Variants in SCG3 observed in about 807,000 individuals in gnomAD.
The protein encoded by SCG3 is secretogranin III.
Under a neutral mutation model 56.2 loss-of-function variants are expected in SCG3, and 38 were observed. That is an observed-to-expected ratio of 0.68 (90% CI 0.52 to 0.89). The LOEUF (loss-of-function observed/expected upper bound fraction) is 0.89, where lower values mean the gene tolerates loss of function less well. Ranked by LOEUF, SCG3 falls within the 40% of genes least tolerant of loss-of-function variation. The pLI, the probability that SCG3 is intolerant of heterozygous loss-of-function variation, is 0.00. For missense variants in SCG3, 524 were observed against 540.7 expected, an observed-to-expected ratio of 0.97 and a Z score of 0.31; for synonymous variants, 176 against 184.2, an observed-to-expected ratio of 0.96 and a Z score of 0.36.
At chr15:51,706,630 T>G (rs1256310663) in intron 10 of SCG3, among the ~76,000 whole-genome samples, 1 of 152,172 alleles carries the variant, frequency 6.6e-6, no homozygotes, top group Non-Finnish European at 1.5e-5. Flanking sequence ...CCACAGCAAC[T>G]GTTTATTAAC....
intron 1 of SCG3, 67 bp downstream of exon 1, chr15:51,681,904 A>G (rs920141366): frequency 7.8e-7 from 1 of 1,285,252 alleles, no homozygotes; most frequent in Admixed American, 1.8e-5. Flanking sequence ...AGTTTGGCAT[A>G]ATACGTGAGC....
intron 10 of SCG3, among the ~76,000 whole-genome samples, chr15:51,708,511 T>C (rs1038433232): frequency 1.3e-5 from 2 of 152,188 alleles, no homozygotes; most frequent in African/African-American, 4.8e-5. Context: ...ATTTGGACAT[T>C]GGGCCTTTAA....
intron 11 of SCG3, among the ~76,000 whole-genome samples, chr15:51,718,742 G>T (rs1264266960): frequency 6.6e-6 from 1 of 151,972 alleles, no homozygotes; most frequent in East Asian, 1.9e-4. Context: ...TTGTTTGTTT[G>T]TTTGTTTAAG....
chr15:51,704,898 C>G (rs1039307373), intron 10 of SCG3, among the ~76,000 whole-genome samples: 1 of 150,738 alleles, frequency 6.6e-6, no homozygotes, highest in Non-Finnish European at 1.5e-5. Context: ...TGAGGAACCA[C>G]CATACTGTTT....
At chr15:51,717,238 C>G (rs1415953052) in intron 11 of SCG3, among the ~76,000 whole-genome samples, 1 of 151,988 alleles carries the variant, frequency 6.6e-6, no homozygotes, top group Non-Finnish European at 1.5e-5. Context: ...CGTGGTGGCA[C>G]GTGCCTGTAG....
At chr15:51,684,494 T>C (rs2055215707) in intron 4 of SCG3, among the ~76,000 whole-genome samples, 1 of 152,176 alleles carries the variant, frequency 6.6e-6, no homozygotes, top group African/African-American at 2.4e-5. Context: ...GGAGAATCAC[T>C]TGAACCCAGG....
rs2055359717 is a variant in SCG3, at chr15:51,704,282, A to AT, written c.1207+3039dup. On this transcript the variant is annotated intron_variant, in intron 10 of 11. Transcript: ENST00000220478. ...ATATATATATATATATATATATAAAATAGCTCTTTTTTGAAATTGTGGTAA... is the reference window on the plus strand; with the variant it reads ...ATATATATATATATATATATATAAAATTAGCTCTTTTTTGAAATTGTGGTAA... 7.6e-5 allele frequency among the ~76,000 whole-genome samples: 6 copies of AT among 79,156 alleles called. No homozygotes were observed. The Admixed American group carries it at 7.8e-4, about 10-fold the overall frequency. The allele number at this position is 79,156 out of a possible 152,430, so 51.9% of individuals were successfully genotyped here.
intron 9 of SCG3, 83 bp from the exon 10 acceptor site, chr15:51,701,024 G>A: frequency 6.5e-7 from 1 of 1,547,938 alleles, no homozygotes; most frequent in South Asian, 1.2e-5. Context: ...ACTGTACCTT[G>A]TCAATAAAGT....
chr15:51,688,258 A>C lies in SCG3; in HGVS notation c.398-2A>C. 6.2e-7 allele frequency: 1 copy of C among 1,612,856 alleles called. No individual in the cohort carries two copies. The highest frequency in any genetic ancestry group is 2.2e-5 in the East Asian group (1 of 44,852). On this transcript the variant is annotated splice_acceptor_variant, in intron 4 of 11. Transcript: ENST00000220478. LOFTEE classifies it high-confidence loss of function. Reference sequence around the variant, plus strand: ...GTGTGAAGTTGTGGTCGTTCTGTCTAGATGATCCAGATGGTCTTCATCAAC... The same window carrying C: ...GTGTGAAGTTGTGGTCGTTCTGTCTCGATGATCCAGATGGTCTTCATCAAC...
At position 51,681,637 on chromosome 15, in the gene SCG3, T is replaced by TCCC; in HGVS notation, c.-118_-116dup. On this transcript the variant is annotated 5_prime_UTR_variant, in exon 1 of 12. Transcript: ENST00000220478. Reference sequence around the variant, plus strand: ...TGCAGCCGCCCAGTCCCGGCCCCTCTCCCGCCCCACACCCACCCTCCTGGC... The same window carrying TCCC: ...TGCAGCCGCCCAGTCCCGGCCCCTCTCCCCCCGCCCCACACCCACCCTCCTGGC... 1 of 582,688 alleles carries TCCC rather than the reference T, an allele frequency of 1.7e-6. No homozygotes were observed. The highest frequency in any genetic ancestry group is 3.3e-6 in the Non-Finnish European group (1 of 307,202). 36.1% of individuals were successfully genotyped at this position (582,688 alleles called of 1,614,324 possible).
chr15:51,681,660 G>T lies in SCG3; in HGVS notation c.-96G>T. On this transcript the variant is annotated 5_prime_UTR_variant, in exon 1 of 12. Coordinates refer to ENST00000220478, the MANE Select transcript of SCG3 (RefSeq NM_013243.4). ...TCTCCCGCCCCACACCCACCCTCCT[G>T]GCTCTTCCTGTTTTTACTCCTCCTT... 1 of 603,566 alleles carries T rather than the reference G, an allele frequency of 1.7e-6. No homozygotes were observed. Among genetic ancestry groups the T allele is most frequent in the Non-Finnish European group, 3.1e-6 (1 of 325,720 alleles). 37.4% of individuals were successfully genotyped at this position (603,566 alleles called of 1,614,324 possible). A position where few individuals can be genotyped will look rare whatever the true frequency, so the allele number is the denominator to read the frequency against.
chr15:51,696,415 T>G (rs1176913868), intron 8 of SCG3, among the ~76,000 whole-genome samples: 1 of 152,032 alleles, frequency 6.6e-6, no homozygotes, highest in Admixed American at 6.5e-5. Flanking sequence ...CTGGGTATGG[T>G]GGTGCATCCC....
rs139948435 is a variant in SCG3 at position 51,715,815 on chromosome 15, C to T, written c.1288+2402C>T. 1.4e-3 allele frequency among the ~76,000 whole-genome samples: 209 copies of T among 151,954 alleles called. 1 individual carries two copies. Among genetic ancestry groups the T allele is most frequent in the Non-Finnish European group, 1.3e-3 (91 of 67,996 alleles). On this transcript the variant is annotated intron_variant, in intron 11 of 11. Transcript: ENST00000220478. Reference sequence around the variant, plus strand: ...AAAGCAAAATATTTGCCTGTTTGTCCATTCAAATCACTGGACCTCTTCACA... The same window carrying T: ...AAAGCAAAATATTTGCCTGTTTGTCTATTCAAATCACTGGACCTCTTCACA...
chr15:51,684,989 C>T (rs1376482931), intron 4 of SCG3, among the ~76,000 whole-genome samples: 1 of 152,154 alleles, frequency 6.6e-6, no homozygotes, highest in Admixed American at 6.5e-5. Flanking sequence ...TACAGGTTTT[C>T]TTCCCTGTCC....
chr15:51,695,969 A>G lies in SCG3; in HGVS notation c.963A>G (p.Pro321=). The change falls in exon 8 of 12, where the codon CCA becomes CCG. Residue 321 remains proline (P), a synonymous_variant. Coordinates refer to ENST00000220478, the MANE Select transcript of SCG3 (RefSeq NM_013243.4). ...KMMVKYGTIS[P]EEGVSYLENL... is the part of the protein sequence containing the mutation. Reference sequence around the variant, plus strand: ...TGGTGAAATATGGAACAATATCTCCAGAAGAAGGTGTTTCCTACCTTGGTG... The same window carrying G: ...TGGTGAAATATGGAACAATATCTCCGGAAGAAGGTGTTTCCTACCTTGGTG... The G allele has an allele frequency of 6.3e-7, 1 of 1,597,202 alleles. No homozygotes were observed.
In SCG3 at chr15:51,681,716, A is replaced by G; in HGVS notation, c.-40A>G. Reference sequence around the variant, plus strand: ...TCATAACAAAAGCTACAGCTCCAGGAGCCCAGCGCCGGGCTGTGACCCAAG... The same window carrying G: ...TCATAACAAAAGCTACAGCTCCAGGGGCCCAGCGCCGGGCTGTGACCCAAG... On this transcript the variant is annotated 5_prime_UTR_variant, in exon 1 of 12. Coordinates refer to ENST00000220478, the MANE Select transcript of SCG3 (RefSeq NM_013243.4). The G allele has an allele frequency of 7.0e-7, 1 of 1,426,782 alleles. No homozygotes were observed. Among genetic ancestry groups the G allele is most frequent in the Non-Finnish European group, 9.7e-7 (1 of 1,034,208 alleles). The allele number at this position is 1,426,782 out of a possible 1,614,324, so 88.4% of individuals were successfully genotyped here. A position where few individuals can be genotyped will look rare whatever the true frequency, so the allele number is the denominator to read the frequency against.
intron 9 of SCG3, among the ~76,000 whole-genome samples, chr15:51,699,963 G>A (rs746346978): frequency 2.6e-5 from 4 of 152,170 alleles, no homozygotes; most frequent in Non-Finnish European, 5.9e-5. Flanking sequence ...CTTTCAAGGA[G>A]GAGGGTGGAA....
chr15:51,698,378 T>C (rs2055317656), intron 8 of SCG3, among the ~76,000 whole-genome samples: 1 of 152,166 alleles, frequency 6.6e-6, no homozygotes, highest in Non-Finnish European at 1.5e-5. Context: ...TAACACTTAA[T>C]ATGATGCTAC....
intron 10 of SCG3, among the ~76,000 whole-genome samples, chr15:51,712,390 G>A (rs1298353802): frequency 6.6e-6 from 1 of 152,160 alleles, no homozygotes; most frequent in African/African-American, 2.4e-5. Context: ...CTGGTTTCTT[G>A]GTGCTGACTC....
Sources: gnomAD v4.1 joint callset for allele counts (sites outside exome capture counted in the v4.1 genomes callset) on GRCh38, gnomAD v4.1.1 for gene constraint, MANE v1.5 for transcripts, NCBI Gene and HGNC (gene_info 2026-07-23, HGNC 2026-07-21) for gene names.